GRB2: variants seen among roughly 807,000 people sequenced by gnomAD.
GRB2 encodes the protein growth factor receptor bound protein 2.
A neutral mutation model predicts 27.4 loss-of-function variants in GRB2; 2 were observed. The ratio of observed to expected loss-of-function variants is 0.07; its 90% CI spans 0.03 to 0.23. The LOEUF (loss-of-function observed/expected upper bound fraction) is 0.23. GRB2 is among the 10% of genes least tolerant of loss of function. The pLI is 1.00. For synonymous variants in GRB2, 94 were observed against 99.6 expected (o/e 0.94, Z 0.33); for missense variants, 102 against 282.4 (o/e 0.36, Z 4.58).
At chr17:75,340,420 CA>C (rs1271007955) in intron 2 of GRB2, among the ~76,000 whole-genome samples, 1 of 152,172 alleles carries the variant, frequency 6.6e-6, no homozygotes. Flanking sequence ...CAGGCAATCC[CA>C]AAGGAGCGAT....
intron 2 of GRB2, among the ~76,000 whole-genome samples, chr17:75,375,226 T>C (rs2078884574): frequency 6.6e-6 from 1 of 152,186 alleles, no homozygotes; most frequent in Non-Finnish European, 1.5e-5. Flanking sequence ...TCTATCACTA[T>C]ACTTCTTATG....
intron 3 of GRB2, among the ~76,000 whole-genome samples, chr17:75,329,452 C>A (rs2078524484): frequency 6.6e-6 from 1 of 151,752 alleles, no homozygotes; most frequent in African/African-American, 2.4e-5. Flanking sequence ...TTGCCCCCAG[C>A]TTAAAATTAA....
At chr17:75,332,593 C>T (rs145182741) in intron 3 of GRB2, 107 bp downstream of exon 3, 34 of 678,616 alleles carry the variant, frequency 5.0e-5, no homozygotes, top group African/African-American at 3.7e-4. Context: ...TCCCTAGAAA[C>T]GTGAATAAAA....
At chr17:75,375,011 T>C (rs1045271961) in intron 2 of GRB2, among the ~76,000 whole-genome samples, 15 of 152,218 alleles carry the variant, frequency 9.9e-5, no homozygotes, top group African/African-American at 2.2e-4. Context: ...TCCTCCTGCC[T>C]GAGCCTCCTG....
At chr17:75,388,582 G>GT (rs2078979281) in intron 2 of GRB2, among the ~76,000 whole-genome samples, 1 of 137,478 alleles carries the variant, frequency 7.3e-6, no homozygotes, top group Non-Finnish European at 1.6e-5. Context: ...CTTTAAAATA[G>GT]TGGGGGGGGG....
chr17:75,371,545 T>C (rs966003626), intron 2 of GRB2: 2 of 151,982 alleles, frequency 1.3e-5, no homozygotes, highest in African/African-American at 2.4e-5. Context: ...GAACCTACTG[T>C]GAAATGGAGT....
chr17:75,323,596 A>G (rs935034481), intron 4 of GRB2, among the ~76,000 whole-genome samples: 1 of 152,180 alleles, frequency 6.6e-6, no homozygotes, highest in African/African-American at 2.4e-5. Flanking sequence ...TAAATGCATT[A>G]AATCCTTAAA....
chr17:75,353,746 A>AC (rs984555957), intron 2 of GRB2, among the ~76,000 whole-genome samples: 7 of 148,952 alleles, frequency 4.7e-5, no homozygotes, highest in African/African-American at 1.5e-4. Flanking sequence ...GGCAACAACA[A>AC]AAAAAATTCT....
In GRB2 at chr17:75,338,813, T is replaced by C. The variant is rs115703314; in HGVS notation, c.79-6016A>G. 2.6e-3 allele frequency: 1,967 copies of C among 752,138 alleles called. 31 individuals carry two copies. The African/African-American group carries it at 0.029, about 11-fold the overall frequency. The allele number at this position is 752,138 out of a possible 1,614,324, so 46.6% of individuals were successfully genotyped here. On this transcript the variant is annotated intron_variant, in intron 2 of 5. Transcript: ENST00000316804. ...AATATACAAGTCCTTTCTGTGCTGA[T>C]AGCACTCACGCAAATGGTCAACTTT...
chr17:75,334,666 G>A (rs1237613099), intron 2 of GRB2, among the ~76,000 whole-genome samples: 1 of 152,162 alleles, frequency 6.6e-6, no homozygotes, highest in Non-Finnish European at 1.5e-5. Flanking sequence ...CAGGCCAGGT[G>A]TGCTGGCTCA....
At chr17:75,331,044 T>C (rs1280764746) in intron 3 of GRB2, among the ~76,000 whole-genome samples, 1 of 149,466 alleles carries the variant, frequency 6.7e-6, no homozygotes. Flanking sequence ...AAACAGGAGG[T>C]GGTAGGATGT....
chr17:75,398,919 T>C (rs888225596), intron 1 of GRB2, among the ~76,000 whole-genome samples: 2 of 151,876 alleles, frequency 1.3e-5, no homozygotes, highest in South Asian at 2.1e-4. Context: ...AGCTGATTTT[T>C]CTATTTTTAA....
At chr17:75,395,527 A>C (rs534934733) in intron 1 of GRB2, among the ~76,000 whole-genome samples, 30 of 152,344 alleles carry the variant, frequency 2.0e-4, no homozygotes, top group Middle Eastern at 3.4e-3. Flanking sequence ...GCTTATGAAA[A>C]AGAGCAGCTC....
chr17:75,375,480 G>A (rs1203387148), intron 2 of GRB2, among the ~76,000 whole-genome samples: 1 of 151,980 alleles, frequency 6.6e-6, no homozygotes, highest in African/African-American at 2.4e-5. Flanking sequence ...TCTATCTCAA[G>A]CGCACAGGAG....
At chr17:75,337,895 CTACTACTATTAT>C (rs1156314865) in intron 2 of GRB2, among the ~76,000 whole-genome samples, 42 of 124,452 alleles carry the variant, frequency 3.4e-4, no homozygotes, top group African/African-American at 7.5e-4. Flanking sequence ...ACTACTACTA[CTACTACTATTAT>C]TATTATTATT....
intron 2 of GRB2, among the ~76,000 whole-genome samples, chr17:75,345,457 G>T (rs1299452054): frequency 6.6e-6 from 1 of 152,132 alleles, no homozygotes; most frequent in African/African-American, 2.4e-5. Context: ...GGATGTTATT[G>T]AAAGAAGAAA....
intron 2 of GRB2, among the ~76,000 whole-genome samples, chr17:75,342,510 TC>T (rs1312723416): frequency 2.0e-5 from 3 of 152,034 alleles, no homozygotes; most frequent in Admixed American, 6.6e-5. Flanking sequence ...GCTCAAGCGA[TC>T]CTCCCACCTC....
intron 2 of GRB2, among the ~76,000 whole-genome samples, chr17:75,343,051 A>AAAAAAAAAAAAAAAAG (rs2078631779): frequency 6.7e-6 from 1 of 149,782 alleles, no homozygotes; most frequent in African/African-American, 2.5e-5. Context: ...CCTTGTCTCA[A>AAAAAAAAAAAAAAAAG]AAAAAAAAAA....
At chr17:75,360,985 T>C (rs376394264) in intron 2 of GRB2, among the ~76,000 whole-genome samples, 1 of 150,970 alleles carries the variant, frequency 6.6e-6, no homozygotes, top group Non-Finnish European at 1.5e-5. Flanking sequence ...TGAACAGGGC[T>C]GGTCTCAAAC....
Sources: gnomAD v4.1 joint callset for allele counts (sites outside exome capture counted in the v4.1 genomes callset) on GRCh38, gnomAD v4.1.1 for gene constraint, MANE v1.5 for transcripts, NCBI Gene and HGNC (gene_info 2026-07-23, HGNC 2026-07-21) for gene names.